Variants in CREB5 observed in about 807,000 individuals in gnomAD.
The protein encoded by CREB5 is cyclic AMP-responsive element-binding protein 5.
In CREB5, 19 loss-of-function variants were observed where a neutral mutation model predicts 57.1. The ratio of observed to expected loss-of-function variants is 0.33; its 90% CI spans 0.23 to 0.49. The LOEUF (loss-of-function observed/expected upper bound fraction) is 0.49, where lower values mean the gene tolerates loss of function less well. Ranked by LOEUF, CREB5 falls within the 20% of genes least tolerant of loss-of-function variation. The pLI is 0.99. For missense variants in CREB5, 579 were observed against 671.6 expected, an observed-to-expected ratio of 0.86 and a Z score of 1.52; for synonymous variants, 238 against 238.3, an observed-to-expected ratio of 1.00 and a Z score of 0.01.
chr7:28,806,596 A>T (rs1411830595), intron 8 of CREB5, among the ~76,000 whole-genome samples: 1 of 152,250 alleles, frequency 6.6e-6, no homozygotes, highest in Non-Finnish European at 1.5e-5. Context: ...ATTACCAGGT[A>T]TACAAATTCT....
chr7:28,385,878 G>T (rs1250261415), intron 1 of CREB5, among the ~76,000 whole-genome samples: 2 of 151,976 alleles, frequency 1.3e-5, no homozygotes, highest in Admixed American at 6.6e-5. Context: ...TGGCTTCAAG[G>T]TCACAGCCTG....
At chr7:28,590,120 C>T (rs908911593) in intron 5 of CREB5, among the ~76,000 whole-genome samples, 8 of 152,028 alleles carry the variant, frequency 5.3e-5, no homozygotes, top group Non-Finnish European at 1.0e-4. Flanking sequence ...GACAGTGTGG[C>T]GATTCCTCAG....
intron 5 of CREB5, among the ~76,000 whole-genome samples, chr7:28,611,567 C>T (rs1797387116): frequency 1.4e-5 from 2 of 148,134 alleles, no homozygotes; most frequent in African/African-American, 5.0e-5. Context: ...TCCAGCTGCT[C>T]AGGAAGCTGA....
chr7:28,589,506 A>T (rs1483263206), intron 5 of CREB5, among the ~76,000 whole-genome samples: 3 of 152,162 alleles, frequency 2.0e-5, no homozygotes, highest in African/African-American at 7.2e-5. Context: ...GTGAGCCAAG[A>T]TCACGCCACT....
At chr7:28,567,644 G>C (rs1451982200) in intron 4 of CREB5, among the ~76,000 whole-genome samples, 1 of 152,194 alleles carries the variant, frequency 6.6e-6, no homozygotes, top group Non-Finnish European at 1.5e-5. Context: ...CGGTGAGTGT[G>C]GGCAGGAAAG....
chr7:28,794,108 A>G lies in CREB5; in HGVS notation c.703-10091A>G, dbSNP rs141099121. Among the ~76,000 whole-genome samples the G allele has an allele frequency of 2.6e-3, 392 of 152,320 alleles. 2 individuals are homozygous for G. Among genetic ancestry groups the G allele is most frequent in the South Asian group, 8.3e-3 (40 of 4,822 alleles). On this transcript the variant is annotated intron_variant, in intron 7 of 10. Coordinates refer to ENST00000357727, the MANE Select transcript of CREB5 (RefSeq NM_182898.4). The stretch of plus-strand genomic sequence containing the variant: ...TTATAAATGCAAAGTTCTATGTTTC[A>G]TATGTATTTTTCTAACATATGTTAC...
rs151317922 is a variant in CREB5 at position 28,755,250 on chromosome 7, T to C, written c.702+30918T>C. On this transcript the variant is annotated intron_variant, in intron 7 of 10. Coordinates refer to ENST00000357727, the MANE Select transcript of CREB5 (RefSeq NM_182898.4). ...AAGGAAGCAGAAGATGAGAGGTCAC[T>C]GAAGGAGGAACAGGCTTGGGCATCT... Among the ~76,000 whole-genome samples, 742 of 152,304 alleles carry C rather than the reference T, an allele frequency of 4.9e-3. 8 individuals carry two copies. Among genetic ancestry groups the C allele is most frequent in the African/African-American group, 0.016 (648 of 41,552 alleles).
upstream of CREB5, chr7:28,412,470 G>C (rs561752081): frequency 2.6e-5 from 4 of 154,306 alleles, no homozygotes; most frequent in Non-Finnish European, 1.4e-5. Context: ...GGTGTTCTCT[G>C]CTGCGTAGCG....
intron 1 of CREB5, among the ~76,000 whole-genome samples, chr7:28,400,727 T>A (rs1787443872): frequency 6.6e-6 from 1 of 152,176 alleles, no homozygotes; most frequent in Non-Finnish European, 1.5e-5. Flanking sequence ...TCAATTAGGT[T>A]TAAAAGCTAC....
chr7:28,421,799 T>C (rs12055967), intron 1 of CREB5, among the ~76,000 whole-genome samples: 48 of 148,176 alleles, frequency 3.2e-4, no homozygotes, highest in East Asian at 1.2e-3. Context: ...TATATATATA[T>C]ACACACACCA....
At chr7:28,447,994 G>A (rs1050244980) in intron 1 of CREB5, among the ~76,000 whole-genome samples, 1 of 152,222 alleles carries the variant, frequency 6.6e-6, no homozygotes, top group Non-Finnish European at 1.5e-5. Context: ...TATTGATCCT[G>A]GGTGTGTCTG....
At chr7:28,460,832 GA>G (rs1245632647) in intron 1 of CREB5, among the ~76,000 whole-genome samples, 1 of 152,086 alleles carries the variant, frequency 6.6e-6, no homozygotes, top group Non-Finnish European at 1.5e-5. Context: ...AAGGAAGTGA[GA>G]GGGGAGAAAA....
At position 28,485,020 on chromosome 7, in the gene CREB5, T is replaced by C. The variant is rs1228987290; in HGVS notation, c.4-3155T>C. 4.1e-4 allele frequency among the ~76,000 whole-genome samples: 63 copies of C among 152,234 alleles called. 2 individuals carry two copies. Among genetic ancestry groups the C allele is most frequent in the Admixed American group, 4.1e-3 (62 of 15,282 alleles). ...ATTAAGATAAGGCAAACCATGTTGA[T>C]ATCGGACAGAATTGCCAAAGTATTA... On this transcript the variant is annotated intron_variant, in intron 1 of 10. Transcript: ENST00000357727.
Position 28,767,718 on chromosome 7 carries a change from T to A in CREB5, c.703-36481T>A, listed in dbSNP as rs189644817. On this transcript the variant is annotated intron_variant, in intron 7 of 10. Transcript: ENST00000357727. ...TTTTTCCACATAAAAGAAAGTCATT[T>A]TCACAATTACTAAGTTGCATCGCAT... Among the ~76,000 whole-genome samples the A allele has an allele frequency of 4.4e-4, 67 of 152,366 alleles. No individual in the cohort carries two copies. In the East Asian group the frequency reaches 0.012, roughly 27 times the overall value.
chr7:28,577,605 T>C (rs1795952590), intron 5 of CREB5, among the ~76,000 whole-genome samples: 1 of 152,168 alleles, frequency 6.6e-6, no homozygotes, highest in Non-Finnish European at 1.5e-5. Context: ...TTGCCCCAGG[T>C]CATAGTGATA....
At position 28,395,780 on chromosome 7, in the gene CREB5, T is replaced by C. The variant is rs1337935253; in HGVS notation, c.-25+96339T>C. Among the ~76,000 whole-genome samples the C allele has an allele frequency of 3.9e-5, 6 of 152,220 alleles. No individual in the cohort carries two copies. In the East Asian group the frequency reaches 1.2e-3, roughly 29 times the overall value. On this transcript the variant is annotated intron_variant, in intron 1 of 9. Coordinates refer to the CREB5 transcript ENST00000396299. The stretch of plus-strand genomic sequence containing the variant: ...CTACAAACTAGGGCAAGGAGTTTCT[T>C]TTTTCTTTCTTTCTTTCTTTCTTTT...
At chr7:28,768,208 C>T (rs1052878371) in intron 7 of CREB5, among the ~76,000 whole-genome samples, 2 of 152,026 alleles carry the variant, frequency 1.3e-5, no homozygotes, top group Non-Finnish European at 2.9e-5. Flanking sequence ...TCTGTTTCCT[C>T]AGAAGGGAAA....
intron 5 of CREB5, among the ~76,000 whole-genome samples, chr7:28,650,428 G>T (rs1363599332): frequency 6.6e-6 from 1 of 152,090 alleles, no homozygotes; most frequent in African/African-American, 2.4e-5. Context: ...CAAATCAATT[G>T]TGTGGCCATT....
chr7:28,489,574 T>C (rs1397060950), intron 2 of CREB5, among the ~76,000 whole-genome samples: 2 of 152,144 alleles, frequency 1.3e-5, no homozygotes, highest in East Asian at 3.9e-4. Context: ...GTGCTGGGAT[T>C]ACAGGCGTGA....
Sources: allele counts gnomAD v4.1 joint callset (sites outside exome capture counted in the v4.1 genomes callset), GRCh38; gene constraint gnomAD v4.1.1; transcripts MANE v1.5; gene names NCBI Gene and HGNC (gene_info 2026-07-23, HGNC 2026-07-21).